PLCH1: variants seen among roughly 807,000 people sequenced by gnomAD.
The protein encoded by PLCH1 is 1-phosphatidylinositol 4,5-bisphosphate phosphodiesterase eta-1.
A neutral mutation model predicts 126.7 loss-of-function variants in PLCH1; 60 were observed. The observed-to-expected ratio is 0.47, with a 90% CI of 0.38 to 0.59. The LOEUF (loss-of-function observed/expected upper bound fraction) is 0.59, where lower values mean the gene tolerates loss of function less well. Ranked by LOEUF, PLCH1 falls within the 20% of genes least tolerant of loss-of-function variation. PLCH1 has a pLI of 0.00. For synonymous variants in PLCH1, 719 were observed against 734.9 expected (o/e 0.98, Z 0.35); for missense variants, 1,723 against 2,040.0 (o/e 0.84, Z 2.99).
At chr3:155,620,233 G>GA (rs78263971) in intron 2 of PLCH1, among the ~76,000 whole-genome samples, 3 of 151,858 alleles carry the variant, frequency 2.0e-5, no homozygotes, top group East Asian at 3.9e-4. Context: ...TCCCAAAAAA[G>GA]AAAAAAAGGC....
chr3:155,620,607 AAAGT>A (rs1736344518), intron 2 of PLCH1, among the ~76,000 whole-genome samples: 1 of 152,238 alleles, frequency 6.6e-6, no homozygotes, highest in South Asian at 2.1e-4. Flanking sequence ...AGAAAGAACC[AAAGT>A]AAGAAAGAGC....
intron 2 of PLCH1, among the ~76,000 whole-genome samples, chr3:155,665,292 G>A (rs991868306): frequency 1.3e-5 from 2 of 152,142 alleles, no homozygotes; most frequent in Admixed American, 6.6e-5. Context: ...CACTGAGATA[G>A]CTTTATCTGC....
chr3:155,483,046 C>T lies in PLCH1; in HGVS notation c.2980G>A (p.Asp994Asn), dbSNP rs551379900. 37 of 1,612,208 alleles carry T rather than the reference C, an allele frequency of 2.3e-5. No homozygotes were observed. The highest frequency in any genetic ancestry group is 3.1e-5 in the Non-Finnish European group (36 of 1,179,288). The change falls in exon 23 of 23, where the codon GAT becomes AAT. Residue 994 changes from aspartate (D) to asparagine (N), a missense_variant. Coordinates refer to ENST00000460012, the MANE Select transcript of PLCH1 (RefSeq NM_014996.4). Reference sequence around the variant, plus strand: ...TTCCCTTTTCTTCTGCCATCTTTATCTTCTGCTGAAGGAGACAAACAATAT... The same window carrying T: ...TTCCCTTTTCTTCTGCCATCTTTATTTTCTGCTGAAGGAGACAAACAATAT... Reference protein sequence around the residue: ...IEGKENSLAEDKDGRRKGKAS... With the variant: ...IEGKENSLAENKDGRRKGKAS...
At chr3:155,614,932 A>G (rs909090785) in intron 2 of PLCH1, among the ~76,000 whole-genome samples, 4 of 152,116 alleles carry the variant, frequency 2.6e-5, no homozygotes, top group African/African-American at 7.2e-5. Flanking sequence ...AGATAAATAG[A>G]TGGGACCTAA....
At chr3:155,522,108 A>G (rs1721177477) in intron 11 of PLCH1, among the ~76,000 whole-genome samples, 1 of 152,090 alleles carries the variant, frequency 6.6e-6, no homozygotes, top group Non-Finnish European at 1.5e-5. Context: ...CATCAGAAGA[A>G]AAATGAAATA....
chr3:155,726,430 T>C (rs538056722), intron 1 of PLCH1, among the ~76,000 whole-genome samples: 2 of 152,190 alleles, frequency 1.3e-5, no homozygotes, highest in Admixed American at 6.5e-5. Flanking sequence ...TATTGTTACA[T>C]TGTCAGGATA....
At position 155,490,814 on chromosome 3, in the gene PLCH1, T is replaced by C; in HGVS notation, c.2362A>G (p.Lys788Glu). The C allele has an allele frequency of 6.3e-7, 1 of 1,598,008 alleles. No individual in the cohort carries two copies. The highest frequency in any genetic ancestry group is 8.6e-7 in the Non-Finnish European group (1 of 1,165,736). The change falls in exon 19 of 23, where the codon AAA becomes GAA. Residue 788 changes from lysine to glutamate, a missense_variant. Lys to Glu is a moderately conservative substitution (Grantham distance 56). Transcript: ENST00000460012. ...EIIGLPVDCC[K>E]DQTRVVDDNG... Reference sequence around the variant, plus strand: ...TCATCTACCACACGGGTTTGATCTTTACAACAATCTACTGGCAATCCAATA... The same window carrying C: ...TCATCTACCACACGGGTTTGATCTTCACAACAATCTACTGGCAATCCAATA...
chr3:155,624,732 G>A (rs1241091046), intron 2 of PLCH1, among the ~76,000 whole-genome samples: 2 of 152,100 alleles, frequency 1.3e-5, no homozygotes, highest in African/African-American at 4.8e-5. Context: ...ACCGCTCAAG[G>A]AAATAAGACA....
At chr3:155,497,903 A>C (rs776962286) in intron 14 of PLCH1, among the ~76,000 whole-genome samples, 2 of 152,190 alleles carry the variant, frequency 1.3e-5, no homozygotes, top group Non-Finnish European at 1.5e-5. Flanking sequence ...TTAGCAGTGA[A>C]AGGGTTTCAC....
chr3:155,572,037 C>T (rs898248250), intron 6 of PLCH1, among the ~76,000 whole-genome samples: 2 of 152,152 alleles, frequency 1.3e-5, no homozygotes, highest in Admixed American at 6.5e-5. Context: ...ATCACAAATT[C>T]TTCCCAATGA....
rs142131864 is a variant in PLCH1 at position 155,643,572 on chromosome 3, T to G, written c.80-47194A>C. ...GTCTGTGTGTCTGCTGGCATTGGCA[T>G]TAACTTTTCAGAGTGCCTTGATATC... On this transcript the variant is annotated intron_variant, in intron 2 of 22. Coordinates refer to ENST00000460012, the MANE Select transcript of PLCH1 (RefSeq NM_014996.4). Among the ~76,000 whole-genome samples, 1,333 of 152,320 alleles carry G rather than the reference T, an allele frequency of 8.8e-3. 18 individuals carry two copies. Among genetic ancestry groups the G allele is most frequent in the African/African-American group, 0.031 (1,278 of 41,564 alleles).
rs66772251 is a variant in PLCH1, at chr3:155,519,781, T to TAA, written c.1470+4114_1470+4115dup. On this transcript the variant is annotated intron_variant, in intron 11 of 22. Coordinates refer to ENST00000460012, the MANE Select transcript of PLCH1 (RefSeq NM_014996.4). The stretch of plus-strand genomic sequence containing the variant: ...GCAAAAAAGTTGAGGACCTTTGCTT[T>TAA]AAAAAAAAAAAAAAAAAAGGCAAAA... Among the ~76,000 whole-genome samples, 162 of 124,596 alleles carry TAA rather than the reference T, an allele frequency of 1.3e-3. 1 individual carries two copies. Among genetic ancestry groups the TAA allele is most frequent in the African/African-American group, 4.2e-3 (141 of 33,504 alleles). 81.7% of individuals were successfully genotyped at this position (124,596 alleles called of 152,430 possible).
intron 12 of PLCH1, among the ~76,000 whole-genome samples, chr3:155,506,084 C>T (rs1352288867): frequency 6.6e-6 from 1 of 151,956 alleles, no homozygotes; most frequent in Non-Finnish European, 1.5e-5. Flanking sequence ...TATGGTCACC[C>T]TATTTAGTAG....
At position 155,482,619 on chromosome 3, in the gene PLCH1, T is replaced by C. The variant is rs569660728; in HGVS notation, c.3407A>G (p.Lys1136Arg). ...EIKNLEGNRG[K>R]GRAATSFSLS... The stretch of plus-strand genomic sequence containing the variant: ...AGAAAAGGATGTTGCAGCTCGGCCC[T>C]TACCCCTATTACCTTCCAGGTTCTT... The change falls in exon 23 of 23, where the codon AAG becomes AGG. Residue 1136 changes from lysine (K) to arginine (R), a missense_variant. This residue lies in a region of PLCH1 where 947 missense variants were observed against 977.1 expected (regional missense o/e 0.97). Coordinates refer to ENST00000460012, the MANE Select transcript of PLCH1 (RefSeq NM_014996.4). 1 of 1,614,072 alleles carries C rather than the reference T, an allele frequency of 6.2e-7. No individual in the cohort carries two copies. Among genetic ancestry groups the C allele is most frequent in the African/African-American group, 1.3e-5 (1 of 74,922 alleles).
At chr3:155,457,009 G>C (rs868738109) in intron 21 of PLCH1, 1 of 152,272 alleles carries the variant, frequency 6.6e-6, no homozygotes, top group Non-Finnish European at 1.5e-5. Flanking sequence ...GAAACACTTG[G>C]CATCTGATTT....
intron 1 of PLCH1, among the ~76,000 whole-genome samples, chr3:155,718,984 T>G (rs1297834559): frequency 6.6e-6 from 1 of 152,208 alleles, no homozygotes; most frequent in African/African-American, 2.4e-5. Context: ...TTCAAATATA[T>G]TTGAAGTCAT....
intron 2 of PLCH1, among the ~76,000 whole-genome samples, chr3:155,628,938 A>G (rs986191229): frequency 6.6e-6 from 1 of 152,238 alleles, no homozygotes; most frequent in Non-Finnish European, 1.5e-5. Context: ...AAAATAAAAT[A>G]ATTGTCATTG....
At chr3:155,608,625 C>T (rs544273366) in intron 2 of PLCH1, among the ~76,000 whole-genome samples, 18 of 152,172 alleles carry the variant, frequency 1.2e-4, no homozygotes, top group East Asian at 5.8e-4. Flanking sequence ...AACCTGTATG[C>T]GCAGTGAGGC....
chr3:155,480,848 C>G lies in PLCH1; in HGVS notation c.*120G>C, dbSNP rs778986618. On this transcript the variant is annotated 3_prime_UTR_variant, in exon 23 of 23. Transcript: ENST00000460012. ...GAGAACACATGAAGTCAAAGGGAGA[C>G]CCAAATACAAGTTTAAAAATACATT... The G allele has an allele frequency of 2.3e-6, 2 of 871,368 alleles. No homozygotes were observed. The highest frequency in any genetic ancestry group is 2.4e-5 in the Admixed American group (1 of 41,714). The allele number at this position is 871,368 out of a possible 1,614,324, so 54.0% of individuals were successfully genotyped here.
Sources: gnomAD v4.1 joint callset for allele counts (sites outside exome capture counted in the v4.1 genomes callset) on GRCh38, gnomAD v4.1.1 for gene constraint, gnomAD v4.1.1 regional missense constraint, MANE v1.5 for transcripts, NCBI Gene and HGNC (gene_info 2026-07-23, HGNC 2026-07-21) for gene names.